The following SLC25A21 variants were observed in gnomAD, a reference collection of about 807,000 sequenced individuals.
SLC25A21 encodes mitochondrial 2-oxodicarboxylate carrier.
Under a neutral mutation model 43.8 loss-of-function variants are expected in SLC25A21, and 47 were observed. That is an observed-to-expected ratio of 1.07 (90% CI 0.85 to 1.37). The LOEUF (loss-of-function observed/expected upper bound fraction) is 1.37, where lower values mean the gene tolerates loss of function less well. Among genes scored for constraint, SLC25A21 ranks in the 40% most tolerant of loss-of-function variants. The pLI is 0.00. For missense variants in SLC25A21, 352 were observed against 350.2 expected (o/e 1.00, Z -0.04); for synonymous variants, 131 against 121.3 (o/e 1.08, Z -0.52).
At chr14:36,910,494 T>C (rs547783528) in intron 1 of SLC25A21, among the ~76,000 whole-genome samples, 1 of 152,260 alleles carries the variant, frequency 6.6e-6, no homozygotes, top group South Asian at 2.1e-4. Context: ...GAAGGTTTTG[T>C]AACATTAGCT....
chr14:36,855,968 C>T (rs1027429458), intron 2 of SLC25A21, among the ~76,000 whole-genome samples: 29 of 152,064 alleles, frequency 1.9e-4, no homozygotes, highest in African/African-American at 6.8e-4. Context: ...TGAGTAGAGG[C>T]CTTAGATCCT....
chr14:36,947,414 A>G (rs545869015), intron 1 of SLC25A21, among the ~76,000 whole-genome samples: 18 of 152,338 alleles, frequency 1.2e-4, no homozygotes, highest in Non-Finnish European at 2.5e-4. Context: ...GTACAGGTGA[A>G]TTAAGAAGAC....
intron 1 of SLC25A21, among the ~76,000 whole-genome samples, chr14:36,940,818 A>G (rs1892537298): frequency 6.6e-6 from 1 of 152,140 alleles, no homozygotes; most frequent in Non-Finnish European, 1.5e-5. Context: ...CAAAGTACAG[A>G]ATCCAGTATT....
chr14:37,070,435 G>A (rs1196606960), intron 1 of SLC25A21, among the ~76,000 whole-genome samples: 1 of 152,072 alleles, frequency 6.6e-6, no homozygotes, highest in Non-Finnish European at 1.5e-5. Context: ...CTAAGTCCTA[G>A]TATGCCAGGA....
At chr14:37,162,074 C>G (rs1963953770) in intron 1 of SLC25A21, among the ~76,000 whole-genome samples, 1 of 151,606 alleles carries the variant, frequency 6.6e-6, no homozygotes, top group Non-Finnish European at 1.5e-5. Flanking sequence ...GTCCACAGGC[C>G]AAGGAATACC....
chr14:37,112,738 A>G (rs1056778414), intron 1 of SLC25A21, among the ~76,000 whole-genome samples: 1 of 152,164 alleles, frequency 6.6e-6, no homozygotes, highest in Non-Finnish European at 1.5e-5. Flanking sequence ...ACAAGAACAG[A>G]GTTGTGGTAA....
At chr14:36,787,005 G>C (rs1333174929) in intron 3 of SLC25A21, among the ~76,000 whole-genome samples, 1 of 152,202 alleles carries the variant, frequency 6.6e-6, no homozygotes, top group Non-Finnish European at 1.5e-5. Context: ...TTTCTCGCTT[G>C]AGGGTTGCAG....
In SLC25A21 at chr14:36,702,055, A is replaced by G. The variant is rs1883300042; in HGVS notation, c.603+9263T>C. Among the ~76,000 whole-genome samples, 3 of 152,208 alleles carry G rather than the reference A, an allele frequency of 2.0e-5. No individual in the cohort carries two copies. In the South Asian group the frequency reaches 6.2e-4, roughly 31 times the overall value. On this transcript the variant is annotated intron_variant, in intron 7 of 9. Coordinates refer to ENST00000331299, the MANE Select transcript of SLC25A21 (RefSeq NM_030631.4). The stretch of plus-strand genomic sequence containing the variant: ...GTCCATTTAGTTCCACTTATGTAAT[A>G]TGTCTGTTCCATATAACCCCCAGTT...
intron 3 of SLC25A21, among the ~76,000 whole-genome samples, chr14:36,755,443 C>A (rs1885887668): frequency 6.6e-6 from 1 of 152,166 alleles, no homozygotes; most frequent in Non-Finnish European, 1.5e-5. Flanking sequence ...TTTTTTCCTT[C>A]ATCCCTGTCA....
At chr14:36,978,548 A>C (rs910730242) in intron 1 of SLC25A21, among the ~76,000 whole-genome samples, 5 of 152,238 alleles carry the variant, frequency 3.3e-5, no homozygotes, top group Non-Finnish European at 7.3e-5. Context: ...ATGGCAAAGC[A>C]AAGTACAATA....
intron 1 of SLC25A21, among the ~76,000 whole-genome samples, chr14:36,976,442 G>A (rs965556271): frequency 6.6e-6 from 1 of 152,030 alleles, no homozygotes; most frequent in African/African-American, 2.4e-5. Context: ...CTCTATTGTT[G>A]CCTATGATAT....
At chr14:37,124,800 C>T (rs745562421) in intron 1 of SLC25A21, among the ~76,000 whole-genome samples, 9 of 152,092 alleles carry the variant, frequency 5.9e-5, no homozygotes, top group Non-Finnish European at 1.3e-4. Context: ...ACAGAGTTCT[C>T]ACAAGATCTG....
At chr14:37,115,819 A>C (rs1411503503) in intron 1 of SLC25A21, among the ~76,000 whole-genome samples, 1 of 152,210 alleles carries the variant, frequency 6.6e-6, no homozygotes, top group East Asian at 1.9e-4. Flanking sequence ...CATATATAGC[A>C]AGTGTAAAAT....
At chr14:36,824,426 C>A (rs1449909296) in intron 2 of SLC25A21, among the ~76,000 whole-genome samples, 3 of 152,116 alleles carry the variant, frequency 2.0e-5, no homozygotes, top group African/African-American at 7.2e-5. Flanking sequence ...ACCCAATTTT[C>A]AAAAGCATTT....
chr14:37,085,043 C>A (rs1268214595), intron 1 of SLC25A21, among the ~76,000 whole-genome samples: 2 of 151,940 alleles, frequency 1.3e-5, no homozygotes, highest in African/African-American at 4.8e-5. Flanking sequence ...GCTTTATTAT[C>A]ATTCTTCTTC....
At chr14:36,932,881 G>A (rs962681156) in intron 1 of SLC25A21, among the ~76,000 whole-genome samples, 1 of 151,712 alleles carries the variant, frequency 6.6e-6, no homozygotes, top group African/African-American at 2.4e-5. Flanking sequence ...TTATAAAATG[G>A]GAATAATAAG....
At chr14:37,068,701 TG>T (rs2138822126) in intron 1 of SLC25A21, among the ~76,000 whole-genome samples, 1 of 152,288 alleles carries the variant, frequency 6.6e-6, no homozygotes, top group South Asian at 2.1e-4. Flanking sequence ...AGTACTCAAT[TG>T]AAGAATGTAT....
chr14:36,939,759 G>C (rs898471082), intron 1 of SLC25A21, among the ~76,000 whole-genome samples: 1 of 151,898 alleles, frequency 6.6e-6, no homozygotes, highest in East Asian at 1.9e-4. Flanking sequence ...CATTAAAAGG[G>C]GATAAAATGG....
At chr14:36,817,456 G>A (rs1003490782) in intron 2 of SLC25A21, among the ~76,000 whole-genome samples, 1 of 152,052 alleles carries the variant, frequency 6.6e-6, no homozygotes, top group Non-Finnish European at 1.5e-5. Flanking sequence ...TTTCTAATGG[G>A]GAAGCGAACA....
Sources: allele counts gnomAD v4.1 joint callset (sites outside exome capture counted in the v4.1 genomes callset), GRCh38; gene constraint gnomAD v4.1.1; transcripts MANE v1.5; gene names NCBI Gene and HGNC (gene_info 2026-07-23, HGNC 2026-07-21).